Variants in TTC7B observed in about 807,000 individuals in gnomAD.
The protein encoded by TTC7B is tetratricopeptide repeat protein 7B.
Under a neutral mutation model 106.8 loss-of-function variants are expected in TTC7B, and 28 were observed. The observed-to-expected ratio is 0.26, with a 90% confidence interval of 0.19 to 0.36. TTC7B has a LOEUF of 0.36. Among genes scored for constraint, TTC7B ranks in the 10% least tolerant of loss-of-function variants. The probability of loss-of-function intolerance (pLI) is 1.00; values close to 1 mark genes in which losing one functional copy is unlikely to be tolerated. For missense variants in TTC7B, 862 were observed against 1,076.4 expected (o/e 0.80, Z 2.79); for synonymous variants, 405 against 430.6 (o/e 0.94, Z 0.74).
At chr14:90,615,419 G>A (rs780388419) in intron 16 of TTC7B, among the ~76,000 whole-genome samples, 11 of 152,214 alleles carry the variant, frequency 7.2e-5, no homozygotes, top group Non-Finnish European at 1.3e-4. Flanking sequence ...CAAGGAAGCC[G>A]GGAAGTCAGC....
chr14:90,695,029 A>T lies in TTC7B; in HGVS notation c.777+471T>A, dbSNP rs1290058811. The stretch of plus-strand genomic sequence containing the variant: ...ATATATTTATTATAAATATATGTAT[A>T]TTTTTTATTTTATTATAAAATATAT... On this transcript the variant is annotated intron_variant, in intron 6 of 19. Transcript: ENST00000328459. Among the ~76,000 whole-genome samples the T allele has an allele frequency of 8.2e-5, 3 of 36,546 alleles. No homozygotes were observed. In the Admixed American group the frequency reaches 1.0e-3, roughly 12 times the overall value. 24.0% of individuals were successfully genotyped at this position (36,546 alleles called of 152,430 possible).
At chr14:90,565,695 T>C (rs12897501) in intron 19 of TTC7B, among the ~76,000 whole-genome samples, 54,258 of 151,922 alleles carry the variant, frequency 0.36, 10,636 homozygotes, top group Admixed American at 0.45. Flanking sequence ...CCACCGCGCC[T>C]GGCCAATCCT....
At chr14:90,753,807 C>A (rs1177701887) in intron 3 of TTC7B, among the ~76,000 whole-genome samples, 1 of 152,210 alleles carries the variant, frequency 6.6e-6, no homozygotes, top group Admixed American at 6.5e-5. Context: ...CACACACAAA[C>A]ACACACACAT....
chr14:90,782,585 C>T (rs143953578), intron 2 of TTC7B, among the ~76,000 whole-genome samples: 1,895 of 152,166 alleles, frequency 0.012, 14 homozygotes, highest in Non-Finnish European at 0.02. Context: ...GATGACAGAG[C>T]GAGACTCTGT....
At chr14:90,567,642 A>T (rs1233094409) in intron 19 of TTC7B, 3 of 152,376 alleles carry the variant, frequency 2.0e-5, no homozygotes, top group African/African-American at 7.2e-5. Flanking sequence ...ACAGATAGGA[A>T]GAGTGGACAT....
chr14:90,650,468 C>T (rs1367892639), intron 13 of TTC7B, among the ~76,000 whole-genome samples: 7 of 152,162 alleles, frequency 4.6e-5, no homozygotes, highest in South Asian at 2.1e-4. Flanking sequence ...TCTGGGAAAA[C>T]GCTCAGTCCT....
At chr14:90,777,952 A>C (rs1595366609) in intron 3 of TTC7B, among the ~76,000 whole-genome samples, 1 of 152,334 alleles carries the variant, frequency 6.6e-6, no homozygotes, top group East Asian at 1.9e-4. Context: ...TGACAAGCCA[A>C]TGAGAGCTTG....
chr14:90,562,112 G>T (rs567072828), intron 19 of TTC7B, among the ~76,000 whole-genome samples: 5 of 152,022 alleles, frequency 3.3e-5, no homozygotes, highest in Non-Finnish European at 7.4e-5. Flanking sequence ...GCCCCAGCCC[G>T]GCCATGCCCC....
At chr14:90,713,272 T>C (rs1888519718) in intron 5 of TTC7B, among the ~76,000 whole-genome samples, 1 of 152,064 alleles carries the variant, frequency 6.6e-6, no homozygotes, top group African/African-American at 2.4e-5. Context: ...CACACCACCA[T>C]GCCCCACTAA....
At chr14:90,809,776 C>A (rs1198456838) in intron 1 of TTC7B, among the ~76,000 whole-genome samples, 2 of 152,206 alleles carry the variant, frequency 1.3e-5, no homozygotes, top group African/African-American at 2.4e-5. Context: ...GTAGAATTGG[C>A]CCTCTAGAAG....
rs999644096 is a variant in TTC7B, at chr14:90,577,872, A to C, written c.2310+234T>G. 1.1e-4 allele frequency among the ~76,000 whole-genome samples: 17 copies of C among 152,378 alleles called. No homozygotes were observed. The highest frequency in any genetic ancestry group is 4.1e-4 in the African/African-American group (17 of 41,594). On this transcript the variant is annotated intron_variant, in intron 19 of 19. Transcript: ENST00000328459. The surrounding 1 kb of genome is among the most constrained non-coding windows in gnomAD (Gnocchi z 5.0). The stretch of plus-strand genomic sequence containing the variant: ...TGCTGGCCAGGAGACCACAGCACCT[A>C]ACAGGATGTCGGGTAGGGCTGCTGA...
chr14:90,641,603 G>T (rs1298484125), intron 15 of TTC7B, among the ~76,000 whole-genome samples: 2 of 152,202 alleles, frequency 1.3e-5, no homozygotes, highest in Non-Finnish European at 2.9e-5. Context: ...CCATCGCAAA[G>T]AAATACAAAT....
chr14:90,816,162 G>C lies in TTC7B; in HGVS notation c.121+13C>G. ...CGCCCCCCGCAGCCCAGGCCGGCGC[G>C]CCCGGAGCGTACCGTTGGCGATGAG... On this transcript the variant is annotated intron_variant, in intron 1 of 19. Coordinates refer to ENST00000328459, the MANE Select transcript of TTC7B (RefSeq NM_001010854.2). 1 of 1,225,042 alleles carries C rather than the reference G, an allele frequency of 8.2e-7. No homozygotes were observed. The allele number at this position is 1,225,042 out of a possible 1,614,324, so 75.9% of individuals were successfully genotyped here. A position where few individuals can be genotyped will look rare whatever the true frequency, so the allele number is the denominator to read the frequency against.
In TTC7B at chr14:90,536,105, A is replaced by G. The variant is rs1889413418; in HGVS notation, c.*5263T>C. On this transcript the variant is annotated 3_prime_UTR_variant, in exon 20 of 20. Transcript: ENST00000328459. ...CTGGTCAAGGTCACTGCCAACCTGCACACCACCAGGCCCACGGTCAGCTCT... is the reference window on the plus strand; with the variant it reads ...CTGGTCAAGGTCACTGCCAACCTGCGCACCACCAGGCCCACGGTCAGCTCT... The G allele has an allele frequency of 6.5e-6, 1 of 154,204 alleles. No individual in the cohort carries two copies. Among genetic ancestry groups the G allele is most frequent in the Non-Finnish European group, 1.5e-5 (1 of 68,444 alleles). The allele number at this position is 154,204 out of a possible 1,614,324, so 9.6% of individuals were successfully genotyped here. A position where few individuals can be genotyped will look rare whatever the true frequency, so the allele number is the denominator to read the frequency against.
intron 19 of TTC7B, among the ~76,000 whole-genome samples, chr14:90,557,590 C>T (rs181652528): frequency 6.6e-6 from 1 of 152,354 alleles, no homozygotes; most frequent in African/African-American, 2.4e-5. Context: ...GGAGGAGGGT[C>T]CTTGGCAACT....
intron 6 of TTC7B, among the ~76,000 whole-genome samples, chr14:90,689,998 T>C (rs1355629860): frequency 6.6e-6 from 1 of 152,236 alleles, no homozygotes; most frequent in Non-Finnish European, 1.5e-5. Context: ...CTGAAACAAC[T>C]GAAACTTTTG....
At chr14:90,581,263 C>T (rs1396943686) in intron 18 of TTC7B, among the ~76,000 whole-genome samples, 2 of 152,028 alleles carry the variant, frequency 1.3e-5, no homozygotes, top group Non-Finnish European at 2.9e-5. Flanking sequence ...GCCATGCCTG[C>T]CTCCTGGTCT....
intron 19 of TTC7B, among the ~76,000 whole-genome samples, chr14:90,560,330 T>C (rs1039726861): frequency 3.7e-4 from 57 of 152,190 alleles, no homozygotes; most frequent in African/African-American, 1.3e-3. Flanking sequence ...GGAAGGGACA[T>C]ACTGGCATCA....
At position 90,808,102 on chromosome 14, in the gene TTC7B, G is replaced by C. The variant is rs928946333; in HGVS notation, c.121+8073C>G. ...CCTGACATCATTCGCTTGTTGTGAT[G>C]ATTAACTGAGATCTGTGTAAAAGTT... On this transcript the variant is annotated intron_variant, in intron 1 of 19. Coordinates refer to ENST00000328459, the MANE Select transcript of TTC7B (RefSeq NM_001010854.2). This position sits in a 1 kb window ranked among gnomAD's most constrained non-coding sequence, Gnocchi z 4.2. 6.6e-6 allele frequency among the ~76,000 whole-genome samples: 1 copy of C among 152,210 alleles called. No homozygotes were observed. The highest frequency in any genetic ancestry group is 2.4e-5 in the African/African-American group (1 of 41,448).
Sources: allele counts gnomAD v4.1 joint callset (sites outside exome capture counted in the v4.1 genomes callset), GRCh38; gene constraint gnomAD v4.1.1; non-coding constraint Gnocchi (gnomAD v3.1); transcripts MANE v1.5; gene names NCBI Gene and HGNC (gene_info 2026-07-23, HGNC 2026-07-21).